The following RYR3 variants were observed in gnomAD, a reference collection of about 807,000 sequenced individuals.
RYR3 encodes the protein ryanodine receptor 3.
A neutral mutation model predicts 584.3 loss-of-function variants in RYR3; 207 were observed. The ratio of observed to expected loss-of-function variants is 0.35; its 90% confidence interval spans 0.32 to 0.40. RYR3 has a LOEUF of 0.40. RYR3 is among the 10% of genes least tolerant of loss of function. The pLI is 1.00. For synonymous variants in RYR3, 2,416 were observed against 2,248.5 expected (o/e 1.07, Z -2.11); for missense variants, 5,616 against 6,089.2 (o/e 0.92, Z 2.59).
rs137972719 is a variant in RYR3, at chr15:33,404,458, C to T, written c.52-68961C>T. Among the ~76,000 whole-genome samples, 355 of 152,288 alleles carry T rather than the reference C, an allele frequency of 2.3e-3. 2 individuals carry two copies. Among genetic ancestry groups the T allele is most frequent in the South Asian group, 0.013 (64 of 4,828 alleles). ...CTCTCAAAGCTCAGGTTCTTCTATACGGTTCTCTTTAGCCAACTGGTTGTT... is the reference window on the plus strand; with the variant it reads ...CTCTCAAAGCTCAGGTTCTTCTATATGGTTCTCTTTAGCCAACTGGTTGTT... On this transcript the variant is annotated intron_variant, in intron 1 of 103. Transcript: ENST00000634891.
intron 75 of RYR3, 142 bp from the exon 76 acceptor site, chr15:33,818,436 A>C: frequency 1.6e-6 from 1 of 614,776 alleles, no homozygotes; most frequent in Non-Finnish European, 2.9e-6. Context: ...TCCTGAAATA[A>C]ATACATGACG....
At chr15:33,436,453 G>A (rs530456382) in intron 1 of RYR3, among the ~76,000 whole-genome samples, 2 of 150,240 alleles carry the variant, frequency 1.3e-5, no homozygotes, top group East Asian at 3.9e-4. Context: ...AGATCTTCCA[G>A]TTTGTGGCTT....
chr15:33,521,335 T>C (rs1220924566), intron 3 of RYR3, among the ~76,000 whole-genome samples: 1 of 152,228 alleles, frequency 6.6e-6, no homozygotes, highest in Admixed American at 6.5e-5. Context: ...AATTAGGCTC[T>C]GGCCTTTCAT....
chr15:33,763,177 C>G (rs11635844), intron 60 of RYR3, among the ~76,000 whole-genome samples: 4 of 152,094 alleles, frequency 2.6e-5, no homozygotes, highest in Admixed American at 2.6e-4. Context: ...AGAAGAAAAC[C>G]TAGGCAATAC....
intron 1 of RYR3, among the ~76,000 whole-genome samples, chr15:33,458,895 C>T (rs1020620630): frequency 3.3e-5 from 5 of 152,336 alleles, no homozygotes; most frequent in East Asian, 1.9e-4. Flanking sequence ...AGACCCAATA[C>T]CTGATCTTTC....
In RYR3 at chr15:33,471,132, G is replaced by A. The variant is rs116659358; in HGVS notation, c.52-2287G>A. On this transcript the variant is annotated intron_variant, in intron 1 of 103. Coordinates refer to ENST00000634891, the MANE Select transcript of RYR3 (RefSeq NM_001036.6). ...AGATGTCTGTCTATTGAAGGTTTAT[G>A]GAAATAATTGCTGCTATATGAAGCA... is the stretch of plus-strand genomic sequence containing the variant. 3.9e-3 allele frequency among the ~76,000 whole-genome samples: 599 copies of A among 152,342 alleles called. 7 individuals carry two copies. The highest frequency in any genetic ancestry group is 0.014 in the African/African-American group (568 of 41,576).
At chr15:33,443,139 A>G (rs1199951503) in intron 1 of RYR3, among the ~76,000 whole-genome samples, 1 of 152,028 alleles carries the variant, frequency 6.6e-6, no homozygotes, top group Non-Finnish European at 1.5e-5. Flanking sequence ...CACGTCTGTA[A>G]TCCCAGCTAC....
At chr15:33,840,951 C>G in intron 90 of RYR3, 68 bp downstream of exon 90, 2 of 1,423,606 alleles carry the variant, frequency 1.4e-6, no homozygotes, top group South Asian at 1.2e-5. Context: ...GGCAGAGTGG[C>G]TCGCACCTGT....
At position 33,647,450 on chromosome 15, in the gene RYR3, A is replaced by C. The variant is rs751186023; in HGVS notation, c.3968A>C (p.His1323Pro). 1.2e-6 allele frequency: 2 copies of C among 1,605,428 alleles called. No individual in the cohort carries two copies. The highest frequency in any genetic ancestry group is 1.7e-6 in the Non-Finnish European group (2 of 1,172,220). ...KRKQMQEILS[H>P]TTTQCYYAIR... ...AAACAGATGCAAGAAATACTCTCTC[A>C]TACAACAACAGTAAGTAAATGTGCT... The change falls in exon 30 of 104, where the codon CAT (histidine) becomes CCT (proline). Residue 1323 changes from histidine (H) to proline (P), a missense_variant. His to Pro is a moderately conservative substitution (Grantham distance 77, BLOSUM62 -2). Transcript: ENST00000634891.
chr15:33,477,972 A>G (rs1366584782), intron 2 of RYR3, among the ~76,000 whole-genome samples: 1 of 151,032 alleles, frequency 6.6e-6, no homozygotes, highest in Non-Finnish European at 1.5e-5. Context: ...CATTTTATCG[A>G]TAGCAAATGT....
intron 98 of RYR3, 75 bp downstream of exon 98, chr15:33,854,987 G>A: frequency 1.5e-6 from 2 of 1,337,278 alleles, no homozygotes; most frequent in Non-Finnish European, 2.0e-6. Flanking sequence ...GTAGTATACA[G>A]TATATGACAG....
chr15:33,596,480 A>G (rs1212214153), intron 16 of RYR3, among the ~76,000 whole-genome samples: 1 of 93,882 alleles, frequency 1.1e-5, no homozygotes, highest in Non-Finnish European at 2.0e-5. Flanking sequence ...GACCAACTCA[A>G]TATTGTTCTT....
rs1210599482 is a variant in RYR3, at chr15:33,838,140, A to C, written c.12160A>C (p.Thr4054Pro). Reference protein sequence around the residue: ...VYFEISESSRTQWEKPQVKES... With the variant: ...VYFEISESSRPQWEKPQVKES... ...TTTTGAGATCAGTGAATCCAGTCGC[A>C]CTCAGTGGGAGAAGCCCCAGGTGAA... The change falls in exon 89 of 104, where the codon ACT (threonine) becomes CCT (proline). Residue 4054 changes from threonine (T) to proline (P), a missense_variant. Physicochemically the swap from Thr to Pro is conservative, Grantham distance 38 (BLOSUM62 -1). Around this residue, in one of 9 missense-constraint regions of RYR3, gnomAD observed 258 missense variants for 297.3 expected, o/e 0.87. Coordinates refer to ENST00000634891, the MANE Select transcript of RYR3 (RefSeq NM_001036.6). The C allele has an allele frequency of 6.2e-7, 1 of 1,613,830 alleles. No homozygotes were observed.
intron 43 of RYR3, among the ~76,000 whole-genome samples, chr15:33,713,683 T>A (rs1401724656): frequency 6.6e-6 from 1 of 152,160 alleles, no homozygotes; most frequent in Admixed American, 6.5e-5. Flanking sequence ...ATAGACAAGG[T>A]AGCTTATAAA....
chr15:33,501,638 C>A (rs1310047667), intron 2 of RYR3, among the ~76,000 whole-genome samples: 1 of 152,060 alleles, frequency 6.6e-6, no homozygotes, highest in East Asian at 1.9e-4. Context: ...TTCAGGTAGG[C>A]AGAGTGGTAG....
chr15:33,545,597 G>A (rs778729151), intron 8 of RYR3, among the ~76,000 whole-genome samples: 1 of 152,180 alleles, frequency 6.6e-6, no homozygotes, highest in Non-Finnish European at 1.5e-5. Flanking sequence ...ACTGGAACTT[G>A]AATCTTTGTG....
intron 94 of RYR3, 74 bp from the exon 95 acceptor site, chr15:33,852,971 A>C (rs113707698): frequency 4.5e-6 from 6 of 1,327,006 alleles, no homozygotes; most frequent in African/African-American, 1.5e-5. Context: ...CAGGCACTCA[A>C]ACTGAAACGT....
At chr15:33,619,526 T>C (rs188234599) in intron 19 of RYR3, among the ~76,000 whole-genome samples, 1 of 152,310 alleles carries the variant, frequency 6.6e-6, no homozygotes, top group East Asian at 1.9e-4. Flanking sequence ...AGGTTTAACT[T>C]TATTGCTTCT....
intron 62 of RYR3, among the ~76,000 whole-genome samples, chr15:33,769,890 A>T (rs917259137): frequency 6.6e-6 from 1 of 152,138 alleles, no homozygotes; most frequent in Admixed American, 6.5e-5. Flanking sequence ...TGGAGGTTGC[A>T]GTGAGCTGAG....
Sources: allele counts gnomAD v4.1 joint callset (sites outside exome capture counted in the v4.1 genomes callset), GRCh38; gene constraint gnomAD v4.1.1; regional missense constraint gnomAD v4.1.1; transcripts MANE v1.5; gene names NCBI Gene and HGNC (gene_info 2026-07-23, HGNC 2026-07-21).